RMDN2: variants seen among roughly 807,000 people sequenced by gnomAD.
The protein encoded by RMDN2 is regulator of microtubule dynamics protein 2.
RMDN2 carries 61 observed loss-of-function variants against 52.8 expected under a neutral mutation model. The ratio of observed to expected loss-of-function variants is 1.16; its 90% confidence interval spans 0.94 to 1.43. The LOEUF is 1.43. Among genes scored for constraint, RMDN2 ranks in the 40% most tolerant of loss-of-function variants. The pLI, the probability that RMDN2 is intolerant of heterozygous loss-of-function variation, is 0.00. For missense variants in RMDN2, 592 were observed against 475.3 expected (o/e 1.25, Z -2.28); for synonymous variants, 180 against 153.1 (o/e 1.18, Z -1.30).
At chr2:38,028,205 A>T (rs1679923495) in intron 10 of RMDN2, 1 of 152,272 alleles carries the variant, frequency 6.6e-6, no homozygotes, top group Non-Finnish European at 1.5e-5. Context: ...AAGAATACAA[A>T]ATTACAAACA....
At chr2:38,055,117 T>G (rs1233308410) in intron 10 of RMDN2, among the ~76,000 whole-genome samples, 2 of 152,110 alleles carry the variant, frequency 1.3e-5, no homozygotes, top group African/African-American at 4.8e-5. Context: ...CTCTATTTCC[T>G]CAGTGAGGCC....
intron 10 of RMDN2, among the ~76,000 whole-genome samples, chr2:38,037,885 C>G (rs1680690672): frequency 6.6e-6 from 1 of 152,204 alleles, no homozygotes; most frequent in Non-Finnish European, 1.5e-5. Context: ...GGTGCCACAG[C>G]TAGCGACTGC....
In RMDN2 at chr2:37,964,640, G is replaced by A. The variant is rs143593309; in HGVS notation, c.453-9400G>A. 6.7e-3 allele frequency among the ~76,000 whole-genome samples: 1,026 copies of A among 152,198 alleles called. 6 individuals are homozygous for A. Among genetic ancestry groups the A allele is most frequent in the African/African-American group, 0.023 (961 of 41,522 alleles). On this transcript the variant is annotated intron_variant, in intron 2 of 10. Coordinates refer to ENST00000354545, the MANE Select transcript of RMDN2 (RefSeq NM_001170791.3). ...AGAATATTCCACATGCATTGGAGACGAATGTGTATTCTGTTATTTTTGGGT... is the reference window on the plus strand; with the variant it reads ...AGAATATTCCACATGCATTGGAGACAAATGTGTATTCTGTTATTTTTGGGT...
rs896656108 is a variant in RMDN2 at position 37,993,080 on chromosome 2, A to G, written c.945+1783A>G. ...CACGCGTGTGCCACCACGCTCGGGT[A>G]TTTTTTTATTTTATTTTTATTTTTA... On this transcript the variant is annotated intron_variant, in intron 7 of 10. Transcript: ENST00000354545. Among the ~76,000 whole-genome samples the G allele has an allele frequency of 5.3e-5, 8 of 151,994 alleles. No individual in the cohort carries two copies. In the East Asian group the frequency reaches 7.7e-4, roughly 15 times the overall value.
intron 4 of RMDN2, among the ~76,000 whole-genome samples, chr2:37,977,445 G>A (rs555901148): frequency 1.3e-5 from 2 of 148,604 alleles, no homozygotes. Context: ...CCTCCCAGAC[G>A]GGGCGGCTGG....
At chr2:37,960,141 G>A (rs1279892361) in intron 2 of RMDN2, among the ~76,000 whole-genome samples, 3 of 152,162 alleles carry the variant, frequency 2.0e-5, no homozygotes, top group Non-Finnish European at 2.9e-5. Flanking sequence ...GGAGAGTTCT[G>A]TAGATGTCTA....
chr2:38,037,677 A>G (rs948612644), intron 10 of RMDN2, among the ~76,000 whole-genome samples: 7 of 152,188 alleles, frequency 4.6e-5, no homozygotes, highest in African/African-American at 1.4e-4. Flanking sequence ...CTGAATTCCC[A>G]TTTTTAGTGT....
Position 37,978,166 on chromosome 2 carries a change from G to A in RMDN2, c.730+2852G>A, listed in dbSNP as rs57036127. On this transcript the variant is annotated intron_variant, in intron 4 of 10. Transcript: ENST00000354545. ...AAACCCCGTCTCCACCAAAAAATAC[G>A]AAAACCAGTCAGGCGTGGTGATGCG... Among the ~76,000 whole-genome samples the A allele has an allele frequency of 8.7e-3, 1,325 of 152,190 alleles. 22 individuals carry two copies. Among genetic ancestry groups the A allele is most frequent in the African/African-American group, 0.03 (1,240 of 41,534 alleles).
chr2:37,981,724 A>G (rs1673345802), intron 5 of RMDN2, among the ~76,000 whole-genome samples: 1 of 152,198 alleles, frequency 6.6e-6, no homozygotes, highest in Non-Finnish European at 1.5e-5. Flanking sequence ...GATGCATCGT[A>G]ATATACAAAT....
chr2:38,056,122 A>C (rs938064457), intron 10 of RMDN2, among the ~76,000 whole-genome samples: 14 of 152,180 alleles, frequency 9.2e-5, no homozygotes, highest in African/African-American at 3.1e-4. Flanking sequence ...TACTGAGCAC[A>C]TAGGACGGGG....
chr2:37,950,654 C>A, intron 2 of RMDN2: 1 of 1,561,596 alleles, frequency 6.4e-7, no homozygotes, highest in Non-Finnish European at 8.8e-7. Context: ...TATTCATAAA[C>A]GAAGCTTTAG....
chr2:37,949,292 C>A (rs1478734812), intron 2 of RMDN2, among the ~76,000 whole-genome samples: 1 of 152,150 alleles, frequency 6.6e-6, no homozygotes, highest in East Asian at 1.9e-4. Context: ...TACTGTTTCC[C>A]TTCAGGACCA....
At chr2:37,949,204 G>C (rs1668493426) in intron 2 of RMDN2, among the ~76,000 whole-genome samples, 2 of 152,150 alleles carry the variant, frequency 1.3e-5, no homozygotes. Context: ...TGCTACATGA[G>C]CCATACATGT....
chr2:38,051,458 CAT>C (rs1380999014), intron 10 of RMDN2, among the ~76,000 whole-genome samples: 1 of 152,126 alleles, frequency 6.6e-6, no homozygotes, highest in Non-Finnish European at 1.5e-5. Context: ...TATTCTGACA[CAT>C]ATAAAATATG....
chr2:38,062,779 C>CA (rs1553393635), intron 10 of RMDN2, among the ~76,000 whole-genome samples: 2 of 136,496 alleles, frequency 1.5e-5, no homozygotes, highest in African/African-American at 2.6e-5. Context: ...TCCCCCCCCC[C>CA]ACAACAGTCC....
chr2:37,968,882 A>T (rs920583917), intron 2 of RMDN2, among the ~76,000 whole-genome samples: 2 of 152,250 alleles, frequency 1.3e-5, no homozygotes. Context: ...TTTCTAACCC[A>T]AAGTTAATAA....
intron 10 of RMDN2, among the ~76,000 whole-genome samples, chr2:38,047,849 C>G (rs1168430127): frequency 6.6e-6 from 1 of 152,164 alleles, no homozygotes; most frequent in African/African-American, 2.4e-5. Context: ...TTTATCATCC[C>G]AATCTCATTC....
At chr2:37,980,348 G>T (rs1673139436) in intron 4 of RMDN2, among the ~76,000 whole-genome samples, 1 of 151,996 alleles carries the variant, frequency 6.6e-6, no homozygotes, top group Non-Finnish European at 1.5e-5. Context: ...CTGTCCCCCA[G>T]GCTGGAGTGC....
At chr2:37,977,561 C>T (rs1672674390) in intron 4 of RMDN2, among the ~76,000 whole-genome samples, 1 of 151,968 alleles carries the variant, frequency 6.6e-6, no homozygotes. Flanking sequence ...CCTCAGTTCC[C>T]AGATGGGGCG....
Sources: gnomAD v4.1 joint callset for allele counts (sites outside exome capture counted in the v4.1 genomes callset) on GRCh38, gnomAD v4.1.1 for gene constraint, MANE v1.5 for transcripts, NCBI Gene and HGNC (gene_info 2026-07-23, HGNC 2026-07-21) for gene names.